GALNTL6: variants seen among roughly 807,000 people sequenced by gnomAD.
The protein encoded by GALNTL6 is polypeptide N-acetylgalactosaminyltransferase like 6.
GALNTL6 carries 46 observed loss-of-function variants against 73.7 expected under a neutral mutation model. The ratio of observed to expected loss-of-function variants is 0.62; its 90% CI spans 0.49 to 0.80. The LOEUF is 0.80. GALNTL6 is among the 30% of genes least tolerant of loss of function. The pLI, the probability that GALNTL6 is intolerant of heterozygous loss-of-function variation, is 0.00. For missense variants in GALNTL6, 604 were observed against 755.0 expected (o/e 0.80, Z 2.34); for synonymous variants, 259 against 263.7 (o/e 0.98, Z 0.17).
At chr4:172,751,491 G>T (rs2110782838) in intron 5 of GALNTL6, among the ~76,000 whole-genome samples, 1 of 152,202 alleles carries the variant, frequency 6.6e-6, no homozygotes, top group East Asian at 1.9e-4. Flanking sequence ...ATGCTACAAA[G>T]GAAAAAAATG....
chr4:171,837,847 A>G (rs1209008218), intron 2 of GALNTL6, among the ~76,000 whole-genome samples: 1 of 150,904 alleles, frequency 6.6e-6, no homozygotes, highest in Non-Finnish European at 1.5e-5. Context: ...CAACTCTCCT[A>G]CAAAATCATC....
At chr4:172,052,620 T>G (rs1471808314) in intron 2 of GALNTL6, 1 of 796,248 alleles carries the variant, frequency 1.3e-6, no homozygotes, top group Non-Finnish European at 2.0e-6. Context: ...AATCAGGACT[T>G]TAGGGTCACG....
chr4:172,591,491 A>G (rs1269649843), intron 5 of GALNTL6, among the ~76,000 whole-genome samples: 2 of 152,212 alleles, frequency 1.3e-5, no homozygotes, highest in African/African-American at 4.8e-5. Context: ...AAACCTAACC[A>G]TCTTTGTTTA....
At chr4:172,275,861 G>A (rs577348120) in intron 3 of GALNTL6, among the ~76,000 whole-genome samples, 2 of 152,230 alleles carry the variant, frequency 1.3e-5, no homozygotes, top group South Asian at 4.2e-4. Context: ...TGTGGCTGAG[G>A]CAGGAGAATC....
At chr4:172,865,039 G>C (rs1424951600) in intron 7 of GALNTL6, among the ~76,000 whole-genome samples, 1 of 152,122 alleles carries the variant, frequency 6.6e-6, no homozygotes, top group Non-Finnish European at 1.5e-5. Flanking sequence ...AAAAGAAGTT[G>C]AGAAACTATT....
intron 2 of GALNTL6, among the ~76,000 whole-genome samples, chr4:172,196,552 G>A (rs1049735790): frequency 5.3e-5 from 8 of 152,012 alleles, no homozygotes; most frequent in African/African-American, 1.9e-4. Context: ...CCTTAATAAA[G>A]TACTGTCAAA....
At chr4:172,831,409 C>T (rs565437360) in intron 7 of GALNTL6, among the ~76,000 whole-genome samples, 2 of 152,168 alleles carry the variant, frequency 1.3e-5, no homozygotes, top group Admixed American at 6.5e-5. Flanking sequence ...GCAAACTGCT[C>T]CAAATTGATC....
At chr4:172,785,121 C>G (rs569547313) in intron 5 of GALNTL6, among the ~76,000 whole-genome samples, 1 of 152,050 alleles carries the variant, frequency 6.6e-6, no homozygotes, top group Non-Finnish European at 1.5e-5. Flanking sequence ...AGAGTTATAT[C>G]CTTCTTAACT....
At chr4:172,913,697 G>C (rs1747342838) in intron 8 of GALNTL6, among the ~76,000 whole-genome samples, 1 of 152,168 alleles carries the variant, frequency 6.6e-6, no homozygotes. Flanking sequence ...AAAGAAAAAA[G>C]AGTGAAAAGA....
chr4:172,720,138 GA>G (rs1336719446), intron 5 of GALNTL6, among the ~76,000 whole-genome samples: 1 of 152,098 alleles, frequency 6.6e-6, no homozygotes, highest in African/African-American at 2.4e-5. Context: ...TAACCATCTG[GA>G]AATGCAGCTC....
rs1008455884 is a variant in GALNTL6, at chr4:172,012,587, A to G, written c.138+197869A>G. 2.1e-4 allele frequency among the ~76,000 whole-genome samples: 32 copies of G among 151,776 alleles called. 1 individual carries two copies. Among genetic ancestry groups the G allele is most frequent in the Non-Finnish European group, 4.1e-4 (28 of 67,946 alleles). Reference sequence around the variant, plus strand: ...CAGTACATTTGGGAATGAACTGTAAACCCTCTCCTGAGGTTTTCACAGCTC... The same window carrying G: ...CAGTACATTTGGGAATGAACTGTAAGCCCTCTCCTGAGGTTTTCACAGCTC... On this transcript the variant is annotated intron_variant, in intron 2 of 12. Transcript: ENST00000506823.
chr4:172,460,033 C>T (rs6837204), intron 5 of GALNTL6, among the ~76,000 whole-genome samples: 96,470 of 151,864 alleles, frequency 0.64, 31,459 homozygotes, highest in South Asian at 0.8. Context: ...ACCAATGGAA[C>T]GGAACAGATC....
chr4:171,856,951 C>A (rs1278880332), intron 2 of GALNTL6, among the ~76,000 whole-genome samples: 3 of 152,082 alleles, frequency 2.0e-5, no homozygotes, highest in Non-Finnish European at 4.4e-5. Flanking sequence ...TGTATTTACT[C>A]TTCTATGAGA....
At chr4:172,628,772 A>G (rs1399040222) in intron 5 of GALNTL6, among the ~76,000 whole-genome samples, 2 of 152,178 alleles carry the variant, frequency 1.3e-5, no homozygotes, top group Non-Finnish European at 2.9e-5. Flanking sequence ...TGCTAGTGCT[A>G]GAAGACTTTC....
chr4:172,513,985 G>A (rs1234899273), intron 5 of GALNTL6, among the ~76,000 whole-genome samples: 5 of 152,184 alleles, frequency 3.3e-5, no homozygotes, highest in African/African-American at 9.7e-5. Flanking sequence ...TTTCTCCTTT[G>A]TGGGGCAGGG....
chr4:172,111,818 T>A (rs1473675219), intron 2 of GALNTL6, among the ~76,000 whole-genome samples: 4 of 152,046 alleles, frequency 2.6e-5, no homozygotes. Flanking sequence ...AGAGATTGCA[T>A]ACATACCTGC....
intron 2 of GALNTL6, among the ~76,000 whole-genome samples, chr4:172,113,640 G>A (rs559430742): frequency 6.0e-4 from 91 of 152,118 alleles, no homozygotes; most frequent in Middle Eastern, 3.4e-3. Context: ...TACAGCTTGA[G>A]CTGCAACAGT....
At chr4:171,872,779 A>T (rs945510258) in intron 2 of GALNTL6, among the ~76,000 whole-genome samples, 1 of 152,158 alleles carries the variant, frequency 6.6e-6, no homozygotes, top group Admixed American at 6.6e-5. Flanking sequence ...GAAAGATTTC[A>T]TTTTAACTTG....
chr4:172,255,463 T>A (rs1309016242), intron 3 of GALNTL6, among the ~76,000 whole-genome samples: 1 of 151,468 alleles, frequency 6.6e-6, no homozygotes, highest in East Asian at 1.9e-4. Context: ...TGCCCCTGAC[T>A]TGCAAATATA....
Sources: gnomAD v4.1 joint callset for allele counts (sites outside exome capture counted in the v4.1 genomes callset) on GRCh38, gnomAD v4.1.1 for gene constraint, MANE v1.5 for transcripts, NCBI Gene and HGNC (gene_info 2026-07-23, HGNC 2026-07-21) for gene names.